Variants in AKAP1 observed in about 807,000 individuals in gnomAD.
The protein encoded by AKAP1 is A-kinase anchor protein 1, mitochondrial.
AKAP1 carries 32 observed loss-of-function variants against 79.8 expected under a neutral mutation model. The ratio of observed to expected loss-of-function variants is 0.40; its 90% CI spans 0.30 to 0.54. AKAP1 has a LOEUF of 0.54. Among genes scored for constraint, AKAP1 ranks in the 20% least tolerant of loss-of-function variants. The pLI, the probability that AKAP1 is intolerant of heterozygous loss-of-function variation, is 0.47. For synonymous variants in AKAP1, 416 were observed against 466.7 expected, an observed-to-expected ratio of 0.89 and a Z score of 1.40; for missense variants, 961 against 1,138.9, an observed-to-expected ratio of 0.84 and a Z score of 2.25.
At chr17:57,107,327 C>A in intron 2 of AKAP1, 149 bp downstream of exon 2, 1 of 1,101,340 alleles carries the variant, frequency 9.1e-7, no homozygotes, top group Non-Finnish European at 1.3e-6. Context: ...GGTCTGGACA[C>A]GGCGTAGAGC....
rs368038772 is a variant in AKAP1 at position 57,105,461 on chromosome 17, C to G, written c.-4C>G. The G allele has an allele frequency of 6.2e-7, 1 of 1,613,940 alleles. No homozygotes were observed. Among genetic ancestry groups the G allele is most frequent in the Non-Finnish European group, 8.5e-7 (1 of 1,180,032 alleles). On this transcript the variant is annotated 5_prime_UTR_variant, in exon 2 of 11. Transcript: ENST00000337714. Reference sequence around the variant, plus strand: ...CCCAGGTGTAATTACTTCAAGCCTCCAGGATGGCAATCCAGTTCCGTTCGC... The same window carrying G: ...CCCAGGTGTAATTACTTCAAGCCTCGAGGATGGCAATCCAGTTCCGTTCGC...
chr17:57,085,944 C>T (rs1046538408), intron 1 of AKAP1: 14 of 169,974 alleles, frequency 8.2e-5, no homozygotes, highest in South Asian at 5.2e-4. Context: ...TCGGCTCGCC[C>T]GCCGGCGCAG....
intron 6 of AKAP1, 108 bp from the exon 7 acceptor site, chr17:57,116,003 G>A: frequency 7.6e-7 from 1 of 1,323,912 alleles, no homozygotes; most frequent in Non-Finnish European, 1.0e-6. Flanking sequence ...GCACTGTGGA[G>A]GTTGCAGGCC....
chr17:57,102,073 C>T (rs1914550660), intron 1 of AKAP1, among the ~76,000 whole-genome samples: 1 of 152,152 alleles, frequency 6.6e-6, no homozygotes, highest in South Asian at 2.1e-4. Flanking sequence ...ATGCCTCAGC[C>T]TGTGCAGAGG....
At chr17:57,090,041 T>TC (rs1268467356) in intron 1 of AKAP1, among the ~76,000 whole-genome samples, 1 of 152,224 alleles carries the variant, frequency 6.6e-6, no homozygotes, top group Non-Finnish European at 1.5e-5. Flanking sequence ...GGTTGTGTTT[T>TC]CATTCTGCTG....
chr17:57,120,570 TA>T lies in AKAP1; in HGVS notation c.*263del, dbSNP rs5821162. The T allele has an allele frequency of 0.087, 19,078 of 220,536 alleles. 2 individuals are homozygous for T. The highest frequency in any genetic ancestry group is 0.13 in the Middle Eastern group (99 of 756). The allele number at this position is 220,536 out of a possible 1,614,324, so 13.7% of individuals were successfully genotyped here. On this transcript the variant is annotated 3_prime_UTR_variant, in exon 11 of 11. Coordinates refer to ENST00000337714, the MANE Select transcript of AKAP1 (RefSeq NM_003488.4). The stretch of plus-strand genomic sequence containing the variant: ...TGGCTTATGCTGGTTCTCAGCTGTT[TA>T]AAAAAAAAAAAAAAAAGGAATAGAA...
intron 2 of AKAP1, chr17:57,107,853 G>A (rs1914991533): frequency 5.1e-6 from 4 of 784,708 alleles, no homozygotes; most frequent in Middle Eastern, 2.7e-4. Flanking sequence ...CCCAAAGAAC[G>A]GCCACAGCTT....
intron 1 of AKAP1, among the ~76,000 whole-genome samples, chr17:57,097,309 G>A (rs1029122687): frequency 4.0e-5 from 6 of 150,436 alleles, no homozygotes; most frequent in African/African-American, 1.3e-4. Context: ...GTGTGTGTGA[G>A]TGAGTGAGAG....
chr17:57,113,578 G>C (rs886979473), intron 5 of AKAP1, among the ~76,000 whole-genome samples: 3 of 148,530 alleles, frequency 2.0e-5, no homozygotes, highest in Admixed American at 6.8e-5. Context: ...AGGAGGCTCG[G>C]TCGTAGACTC....
At position 57,086,422 on chromosome 17, in the gene AKAP1, G is replaced by T; in HGVS notation, c.-25+1024G>T. ...TGATCGTGGTAGGCGGTGCTGTGGC[G>T]ACTCGGAACGGCATGGGAGCCCTGG... On this transcript the variant is annotated intron_variant, in intron 1 of 10. Transcript: ENST00000337714. This position sits in a 1 kb window ranked among gnomAD's most constrained non-coding sequence, Gnocchi z 5.1. The T allele has an allele frequency of 2.2e-6, 1 of 456,556 alleles. No homozygotes were observed. Among genetic ancestry groups the T allele is most frequent in the Non-Finnish European group, 4.4e-6 (1 of 226,812 alleles). 28.3% of individuals were successfully genotyped at this position (456,556 alleles called of 1,614,324 possible).
intron 1 of AKAP1, chr17:57,093,065 C>T (rs906751716): frequency 1.3e-5 from 2 of 152,506 alleles, no homozygotes; most frequent in African/African-American, 4.8e-5. Flanking sequence ...CTTCCCCTTC[C>T]AAGTGCTCCA....
chr17:57,108,960 C>G (rs143798273), intron 2 of AKAP1, among the ~76,000 whole-genome samples: 110 of 152,362 alleles, frequency 7.2e-4, no homozygotes, highest in African/African-American at 2.6e-3. Context: ...AGTCTTCCCC[C>G]AGAAGGGGTA....
rs1443375615 is a variant in AKAP1 at position 57,107,035 on chromosome 17, G to C, written c.1571G>C (p.Ser524Thr). 6.2e-7 allele frequency: 1 copy of C among 1,614,174 alleles called. No individual in the cohort carries two copies. Among genetic ancestry groups the C allele is most frequent in the Admixed American group, 1.7e-5 (1 of 60,024 alleles). ...SGLEDSCTET[S>T]SSPRDKAITP... ...CTTGAAGACTCTTGCACAGAGACCA[G>C]CTCGAGCCCCAGGGACAAGGCCATC... is the stretch of plus-strand genomic sequence containing the variant. The change falls in exon 2 of 11, where the codon AGC becomes ACC. Residue 524 changes from serine (S) to threonine (T), a missense_variant. By Grantham distance (58) the Ser-to-Thr change is moderately conservative (BLOSUM62 1). Transcript: ENST00000337714.
intron 6 of AKAP1, 27 bp downstream of exon 6, chr17:57,114,663 A>G: frequency 6.3e-7 from 1 of 1,599,318 alleles, no homozygotes; most frequent in East Asian, 2.3e-5. Context: ...GGGGTCGGGA[A>G]GGGGGACCCC....
Position 57,119,009 on chromosome 17 carries a change from C to A in AKAP1, c.2602C>A (p.Pro868Thr), listed in dbSNP as rs1283030939. The A allele has an allele frequency of 6.2e-7, 1 of 1,613,804 alleles. No individual in the cohort carries two copies. The highest frequency in any genetic ancestry group is 8.5e-7 in the Non-Finnish European group (1 of 1,179,820). Residue 868 changes from proline (P) to threonine (T), a missense_variant, in exon 10 of 11, where the codon CCT becomes ACT. Physicochemically the swap from Pro to Thr is conservative, Grantham distance 38. Coordinates refer to ENST00000337714, the MANE Select transcript of AKAP1 (RefSeq NM_003488.4). ...QVTSYSPTGLPLIQLWSVVGD... is the reference protein window; with the variant it reads ...QVTSYSPTGLTLIQLWSVVGD... The stretch of plus-strand genomic sequence containing the variant: ...GACAAGTTACAGTCCAACTGGTCTT[C>A]CTCTGATTCAGCTGTGGAGTGTGGT...
chr17:57,100,446 C>CACACAT (rs893082167), intron 1 of AKAP1, among the ~76,000 whole-genome samples: 1 of 128,860 alleles, frequency 7.8e-6, no homozygotes, highest in Non-Finnish European at 1.8e-5. Flanking sequence ...CACACACACA[C>CACACAT]GCACACACAC....
At chr17:57,109,474 C>T (rs1386583850) in intron 2 of AKAP1, among the ~76,000 whole-genome samples, 6 of 152,232 alleles carry the variant, frequency 3.9e-5, no homozygotes, top group Non-Finnish European at 7.3e-5. Flanking sequence ...AGCGGGTCCC[C>T]GCTAGGTATA....
chr17:57,118,526 T>C (rs1271167681), intron 9 of AKAP1, 72 bp downstream of exon 9: 3 of 1,498,468 alleles, frequency 2.0e-6, no homozygotes, highest in Non-Finnish European at 2.8e-6. Flanking sequence ...ATGCCTTCTT[T>C]CCTGTGGCTT....
chr17:57,119,109 G>A, intron 10 of AKAP1, 65 bp downstream of exon 10: 1 of 1,545,612 alleles, frequency 6.5e-7, no homozygotes, highest in Middle Eastern at 1.7e-4. Context: ...TTAGGAGCTG[G>A]TCCTGGGATT....
Sources: gnomAD v4.1 joint callset for allele counts (sites outside exome capture counted in the v4.1 genomes callset) on GRCh38, gnomAD v4.1.1 for gene constraint, Gnocchi (gnomAD v3.1) non-coding constraint, MANE v1.5 for transcripts, NCBI Gene and HGNC (gene_info 2026-07-23, HGNC 2026-07-21) for gene names.